The following CNBD1 variants were observed in gnomAD, a reference collection of about 807,000 sequenced individuals.
CNBD1 encodes cyclic nucleotide binding domain containing 1.
In CNBD1, 71 loss-of-function variants were observed where a neutral mutation model predicts 54.4. That is an observed-to-expected ratio of 1.30 (90% CI 1.08 to 1.59). The LOEUF is 1.59. Ranked by LOEUF, CNBD1 falls within the 40% of genes most tolerant of loss-of-function variation. The probability of loss-of-function intolerance (pLI) is 0.00; values close to 1 mark genes in which losing one functional copy is unlikely to be tolerated. For synonymous variants in CNBD1, 182 were observed against 170.7 expected (o/e 1.07, Z -0.51); for missense variants, 659 against 518.0 (o/e 1.27, Z -2.64).
At chr8:87,303,621 G>A (rs1412739784) in intron 8 of CNBD1, among the ~76,000 whole-genome samples, 4 of 149,578 alleles carry the variant, frequency 2.7e-5, no homozygotes, top group Admixed American at 2.0e-4. Flanking sequence ...GACAACAAAA[G>A]CCAAAATTGA....
At chr8:87,078,979 C>G (rs143755825) in intron 4 of CNBD1, among the ~76,000 whole-genome samples, 1 of 152,040 alleles carries the variant, frequency 6.6e-6, no homozygotes, top group Non-Finnish European at 1.5e-5. Flanking sequence ...CTGTGTTACT[C>G]CCAAAAAGTT....
At chr8:87,362,632 T>C (rs1050351936) in intron 10 of CNBD1, among the ~76,000 whole-genome samples, 4 of 152,054 alleles carry the variant, frequency 2.6e-5, no homozygotes, top group Non-Finnish European at 5.9e-5. Context: ...TACACCATTT[T>C]GTCTACTCCA....
At chr8:86,923,368 T>A (rs1403086629) in intron 3 of CNBD1, among the ~76,000 whole-genome samples, 2 of 152,188 alleles carry the variant, frequency 1.3e-5, no homozygotes, top group Non-Finnish European at 2.9e-5. Flanking sequence ...CTTCCCTTTC[T>A]ATCTGAGACA....
chr8:86,956,710 C>T (rs1205538060), intron 4 of CNBD1, among the ~76,000 whole-genome samples: 1 of 152,154 alleles, frequency 6.6e-6, no homozygotes, highest in African/African-American at 2.4e-5. Context: ...AGTGACTTAT[C>T]AGCTTAAGGA....
chr8:87,087,984 C>T (rs1811135907), intron 4 of CNBD1, among the ~76,000 whole-genome samples: 1 of 152,024 alleles, frequency 6.6e-6, no homozygotes, highest in Non-Finnish European at 1.5e-5. Context: ...TATTTTGAAA[C>T]AGAGAAAAAA....
At chr8:86,949,871 T>G (rs1325594793) in intron 4 of CNBD1, among the ~76,000 whole-genome samples, 1 of 151,582 alleles carries the variant, frequency 6.6e-6, no homozygotes, top group Non-Finnish European at 1.5e-5. Flanking sequence ...GCTTATATTA[T>G]GTTGAGATGT....
At chr8:87,107,244 T>C (rs994964853) in intron 4 of CNBD1, among the ~76,000 whole-genome samples, 8 of 152,340 alleles carry the variant, frequency 5.3e-5, no homozygotes, top group African/African-American at 1.9e-4. Flanking sequence ...AGTAAATCTC[T>C]TAACACCTGC....
chr8:87,234,775 T>C (rs1229417736), intron 5 of CNBD1, among the ~76,000 whole-genome samples: 2 of 152,176 alleles, frequency 1.3e-5, no homozygotes, highest in Non-Finnish European at 2.9e-5. Flanking sequence ...CTGACCTGCA[T>C]GTCACCATCA....
chr8:87,198,819 T>C (rs11990251), intron 4 of CNBD1, among the ~76,000 whole-genome samples: 2,475 of 152,286 alleles, frequency 0.016, 62 homozygotes, highest in African/African-American at 0.053. Flanking sequence ...TGCATTGCCA[T>C]AAATAAATAC....
At chr8:86,987,343 T>C (rs1456282271) in intron 4 of CNBD1, among the ~76,000 whole-genome samples, 1 of 152,210 alleles carries the variant, frequency 6.6e-6, no homozygotes, top group Non-Finnish European at 1.5e-5. Context: ...GCTACTAATT[T>C]TTGTAGACTG....
chr8:87,233,979 G>A (rs561159664), intron 5 of CNBD1, among the ~76,000 whole-genome samples: 9 of 152,054 alleles, frequency 5.9e-5, no homozygotes, highest in Non-Finnish European at 1.2e-4. Flanking sequence ...TTAAAATTCA[G>A]TGTTCACAAC....
chr8:86,921,852 A>C (rs1295809173), intron 3 of CNBD1, among the ~76,000 whole-genome samples: 1 of 152,086 alleles, frequency 6.6e-6, no homozygotes, highest in Non-Finnish European at 1.5e-5. Flanking sequence ...CTGAGCACCA[A>C]CTGTGTGCTA....
At chr8:87,370,895 A>C (rs1197297004) in intron 10 of CNBD1, among the ~76,000 whole-genome samples, 3 of 151,162 alleles carry the variant, frequency 2.0e-5, no homozygotes, top group Non-Finnish European at 4.4e-5. Flanking sequence ...ATCTTGAATT[A>C]ATTTTTGTAT....
chr8:87,214,460 CTT>C (rs2130803803), intron 5 of CNBD1, among the ~76,000 whole-genome samples: 1 of 152,266 alleles, frequency 6.6e-6, no homozygotes, highest in East Asian at 1.9e-4. Context: ...TGGTTCCAAA[CTT>C]TTCCACATTT....
At position 87,208,069 on chromosome 8, in the gene CNBD1, C is replaced by G. The variant is rs186417066; in HGVS notation, c.577+1931C>G. ...TCATGTATGTGTTTCCCTCCCTCTG[C>G]TATTATTTAAACTATTCCTTCTAGT... On this transcript the variant is annotated intron_variant, in intron 5 of 10. Transcript: ENST00000518476. 1.4e-3 allele frequency among the ~76,000 whole-genome samples: 212 copies of G among 152,246 alleles called. 1 individual carries two copies. Among genetic ancestry groups the G allele is most frequent in the African/African-American group, 4.9e-3 (203 of 41,540 alleles).
chr8:87,353,766 T>C lies in CNBD1; in HGVS notation c.1283T>C (p.Ile428Thr), dbSNP rs774899660. 3.1e-6 allele frequency: 5 copies of C among 1,608,872 alleles called. No homozygotes were observed. Among genetic ancestry groups the C allele is most frequent in the Admixed American group, 3.4e-5 (2 of 59,358 alleles). The part of the protein sequence containing the change: ...ITKKEVEMAI[I>T]EDKDLFVA ...AAAAAAGAAGTTGAGATGGCAATCA[T>C]TGAAGATAAGGACCTATTTGGTAAA... The change falls in exon 10 of 11, where the codon ATT becomes ACT. Residue 428 changes from isoleucine (I) to threonine (T), a missense_variant. Ile to Thr is a moderately conservative substitution (Grantham distance 89, BLOSUM62 -1). Coordinates refer to ENST00000518476, the MANE Select transcript of CNBD1 (RefSeq NM_173538.3).
chr8:87,185,004 T>A (rs976784939), intron 4 of CNBD1, among the ~76,000 whole-genome samples: 2 of 152,204 alleles, frequency 1.3e-5, no homozygotes, highest in African/African-American at 2.4e-5. Context: ...ATAAATATGT[T>A]ATTTTCCGAA....
intron 4 of CNBD1, among the ~76,000 whole-genome samples, chr8:86,968,396 C>A (rs1808141197): frequency 6.6e-6 from 1 of 151,954 alleles, no homozygotes; most frequent in Non-Finnish European, 1.5e-5. Context: ...GTTTCTAATA[C>A]CTAAAGAAAG....
downstream of CNBD1, among the ~76,000 whole-genome samples, chr8:87,386,338 C>T (rs62528160): frequency 0.14 from 21,299 of 151,824 alleles, 1,952 homozygotes; most frequent in Admixed American, 0.24. Context: ...AAGTTCGAAC[C>T]CATGGCAAAG....
Sources: allele counts gnomAD v4.1 joint callset (sites outside exome capture counted in the v4.1 genomes callset), GRCh38; gene constraint gnomAD v4.1.1; transcripts MANE v1.5; gene names NCBI Gene and HGNC (gene_info 2026-07-23, HGNC 2026-07-21).